The following FANK1 variants were observed in gnomAD, a reference collection of about 807,000 sequenced individuals.
FANK1 encodes fibronectin type 3 and ankyrin repeat domains protein 1.
In FANK1, 44 loss-of-function variants were observed where a neutral mutation model predicts 45.3. The observed-to-expected ratio is 0.97, with a 90% CI of 0.76 to 1.25. FANK1 has a LOEUF of 1.25. Among genes scored for constraint, FANK1 ranks in the 50% most tolerant of loss-of-function variants. The probability of loss-of-function intolerance (pLI) is 0.00; values close to 1 mark genes in which losing one functional copy is unlikely to be tolerated. For synonymous variants in FANK1, 149 were observed against 152.5 expected (o/e 0.98, Z 0.17); for missense variants, 391 against 424.4 (o/e 0.92, Z 0.69).
At chr10:125,920,080 GTC>G (rs959325484) in intron 1 of FANK1, among the ~76,000 whole-genome samples, 41 of 152,228 alleles carry the variant, frequency 2.7e-4, no homozygotes, top group Admixed American at 1.4e-3. Context: ...GATGACTCCT[GTC>G]TCTCGTACTC....
rs148189351 is a variant in FANK1, at chr10:125,943,395, C to CT, written c.14-36761dup. Among the ~76,000 whole-genome samples the CT allele has an allele frequency of 6.5e-3, 990 of 152,128 alleles. 5 individuals are homozygous for CT. The highest frequency in any genetic ancestry group is 0.022 in the African/African-American group (919 of 41,516). ...TTTAAAAATATGCATGATTCGGTGG[C>CT]TTTTTATTATATTCACAAAGTTGTA... On this transcript the variant is annotated intron_variant, in intron 1 of 10. Transcript: ENST00000368693.
At chr10:125,975,467 A>G (rs1950799314) in intron 1 of FANK1, among the ~76,000 whole-genome samples, 1 of 152,218 alleles carries the variant, frequency 6.6e-6, no homozygotes, top group African/African-American at 2.4e-5. Flanking sequence ...CCAACAGTGT[A>G]TAAAGGTTCC....
intron 3 of FANK1, among the ~76,000 whole-genome samples, chr10:125,992,620 C>T (rs914644263): frequency 8.5e-5 from 13 of 152,106 alleles, no homozygotes; most frequent in African/African-American, 1.4e-4. Flanking sequence ...TTGCTACAAA[C>T]GGTCCTTAAG....
At chr10:125,913,360 A>T (rs1379511154) in intron 1 of FANK1, among the ~76,000 whole-genome samples, 1 of 152,222 alleles carries the variant, frequency 6.6e-6, no homozygotes, top group African/African-American at 2.4e-5. Flanking sequence ...CTCATTCTGC[A>T]TGACACCTAA....
At position 125,994,600 on chromosome 10, in the gene FANK1, T is replaced by C. The variant is rs529836779; in HGVS notation, c.317-817T>C. ...GTCAGGTGCTATTCGAAGTGCTTCA[T>C]TGGTGTTATTTCATTTAAGCTTAAT... On this transcript the variant is annotated intron_variant, in intron 3 of 10. Coordinates refer to ENST00000368693, the MANE Select transcript of FANK1 (RefSeq NM_145235.5). 5 of 985,344 alleles carry C rather than the reference T, an allele frequency of 5.1e-6. No homozygotes were observed. The South Asian group carries it at 1.9e-4, about 37-fold the overall frequency. The allele number at this position is 985,344 out of a possible 1,614,324, so 61.0% of individuals were successfully genotyped here. A position where few individuals can be genotyped will look rare whatever the true frequency, so the allele number is the denominator to read the frequency against.
At chr10:125,964,211 G>A (rs1386579595) in intron 1 of FANK1, among the ~76,000 whole-genome samples, 1 of 23,726 alleles carries the variant, frequency 4.2e-5, no homozygotes, top group Non-Finnish European at 8.6e-5. Flanking sequence ...TTTTTTTTTT[G>A]AGATGGAGTC....
chr10:125,947,179 T>G (rs552009999), intron 1 of FANK1, among the ~76,000 whole-genome samples: 1 of 151,966 alleles, frequency 6.6e-6, no homozygotes, highest in East Asian at 1.9e-4. Context: ...GTAAAGACCA[T>G]CAAGACTAGG....
intron 1 of FANK1, among the ~76,000 whole-genome samples, chr10:125,957,325 T>A (rs535093263): frequency 2.2e-4 from 34 of 152,142 alleles, no homozygotes; most frequent in Non-Finnish European, 4.4e-4. Context: ...CGTTGTTATT[T>A]TTGTTGTAGG....
At chr10:125,933,893 GT>G (rs1359666877) in intron 1 of FANK1, among the ~76,000 whole-genome samples, 1 of 152,152 alleles carries the variant, frequency 6.6e-6, no homozygotes, top group Middle Eastern at 3.2e-3. Context: ...TTTTGACCCA[GT>G]GCTCATTCAG....
In FANK1 at chr10:125,909,686, C is replaced by CTTT. The variant is rs34854157; in HGVS notation, c.13+13051_13+13053dup. On this transcript the variant is annotated intron_variant, in intron 1 of 10. Transcript: ENST00000368693. ...GGTGTGCGTCACCATGACCAATTAA[C>CTTT]TTTTTTTTTTTTTTTTTTTTTTGCT... 1.2e-3 allele frequency among the ~76,000 whole-genome samples: 122 copies of CTTT among 103,260 alleles called. No homozygotes were observed. In the East Asian group the frequency reaches 0.026, roughly 22 times the overall value. The allele number at this position is 103,260 out of a possible 152,430, so 67.7% of individuals were successfully genotyped here. A position where few individuals can be genotyped will look rare whatever the true frequency, so the allele number is the denominator to read the frequency against.
intron 1 of FANK1, among the ~76,000 whole-genome samples, chr10:125,944,746 A>G (rs1948664931): frequency 6.6e-6 from 1 of 152,222 alleles, no homozygotes; most frequent in Non-Finnish European, 1.5e-5. Flanking sequence ...TAACTAGCCT[A>G]ACCTATTCCT....
Position 125,898,013 on chromosome 10 carries a change from A to AG in FANK1, c.13+1358_13+1359insG, listed in dbSNP as rs1180510703. 2.0e-4 allele frequency among the ~76,000 whole-genome samples: 26 copies of AG among 130,842 alleles called. 1 individual carries two copies. In the East Asian group the frequency reaches 4.2e-3, roughly 21 times the overall value. 85.8% of individuals were successfully genotyped at this position (130,842 alleles called of 152,430 possible). ...TACTAAAATACAAAAAAAAAAAAAA[A>AG]AAAAAAAAAAAAAAAAAAAAAGCCA... On this transcript the variant is annotated intron_variant, in intron 1 of 10. Coordinates refer to ENST00000368693, the MANE Select transcript of FANK1 (RefSeq NM_145235.5).
chr10:125,991,888 G>A (rs556917685), intron 3 of FANK1, among the ~76,000 whole-genome samples: 1 of 152,250 alleles, frequency 6.6e-6, no homozygotes, highest in African/African-American at 2.4e-5. Context: ...GAGAACATGA[G>A]CGATGGCTTC....
intron 2 of FANK1, among the ~76,000 whole-genome samples, chr10:125,986,096 C>T (rs900129373): frequency 3.9e-5 from 6 of 152,018 alleles, no homozygotes; most frequent in East Asian, 1.9e-4. Flanking sequence ...CATGTTCCTG[C>T]GGGGATGGTG....
At chr10:125,942,997 A>G (rs1948552357) in intron 1 of FANK1, among the ~76,000 whole-genome samples, 1 of 152,040 alleles carries the variant, frequency 6.6e-6, no homozygotes, top group South Asian at 2.1e-4. Flanking sequence ...TATTTTTAAT[A>G]GAGATGGGGT....
intron 6 of FANK1, 57 bp from the exon 7 acceptor site, chr10:126,004,827 G>A: frequency 1.3e-6 from 2 of 1,580,096 alleles, no homozygotes; most frequent in Non-Finnish European, 1.7e-6. Context: ...GTAAAAGGTG[G>A]AGCTGAGTTT....
At chr10:126,007,749 C>G (rs1167378562) in intron 7 of FANK1, among the ~76,000 whole-genome samples, 4 of 152,172 alleles carry the variant, frequency 2.6e-5, no homozygotes, top group Non-Finnish European at 2.9e-5. Context: ...TTCAGCACCA[C>G]TCTTCATGGA....
intron 1 of FANK1, among the ~76,000 whole-genome samples, chr10:125,940,252 C>T (rs976397297): frequency 1.3e-5 from 2 of 152,220 alleles, no homozygotes; most frequent in South Asian, 4.2e-4. Flanking sequence ...TGAGTTTCCT[C>T]AGTATTTATT....
intron 1 of FANK1, among the ~76,000 whole-genome samples, chr10:125,974,426 T>C (rs1950724348): frequency 6.6e-6 from 1 of 152,148 alleles, no homozygotes; most frequent in African/African-American, 2.4e-5. Flanking sequence ...AAATCTGTGA[T>C]ATATTTGAGG....
Sources: gnomAD v4.1 joint callset for allele counts (sites outside exome capture counted in the v4.1 genomes callset) on GRCh38, gnomAD v4.1.1 for gene constraint, MANE v1.5 for transcripts, NCBI Gene and HGNC (gene_info 2026-07-23, HGNC 2026-07-21) for gene names.